The following C6orf58 variants were observed in gnomAD, a reference collection of about 807,000 sequenced individuals.
C6orf58 encodes the protein protein LEG1 homolog.
C6orf58 carries 30 observed loss-of-function variants against 37.0 expected under a neutral mutation model. The observed-to-expected ratio is 0.81, with a 90% CI of 0.61 to 1.10. The LOEUF (loss-of-function observed/expected upper bound fraction) is 1.10, where lower values mean the gene tolerates loss of function less well. C6orf58 is among the 50% of genes least tolerant of loss of function. The pLI, the probability that C6orf58 is intolerant of heterozygous loss-of-function variation, is 0.00. For missense variants in C6orf58, 368 were observed against 387.5 expected (o/e 0.95, Z 0.42); for synonymous variants, 143 against 134.1 (o/e 1.07, Z -0.46).
At chr6:127,589,296 G>A (rs976363824) in intron 4 of C6orf58, among the ~76,000 whole-genome samples, 1 of 152,170 alleles carries the variant, frequency 6.6e-6, no homozygotes, top group African/African-American at 2.4e-5. Flanking sequence ...GATGAGACTT[G>A]AAACAGAATG....
At position 127,581,047 on chromosome 6, in the gene C6orf58, T is replaced by C. The variant is rs73593560; in HGVS notation, c.574-135T>C. On this transcript the variant is annotated intron_variant, in intron 3 of 5. Transcript: ENST00000329722. Reference sequence around the variant, plus strand: ...AAGAGTGTTAGGCATTAAGGCCATATACATACTTTTTCTTAGAAATAAAAT... The same window carrying C: ...AAGAGTGTTAGGCATTAAGGCCATACACATACTTTTTCTTAGAAATAAAAT... 6.1e-3 allele frequency: 2,491 copies of C among 405,898 alleles called. 58 individuals are homozygous for C. The highest frequency in any genetic ancestry group is 0.048 in the African/African-American group (2,311 of 48,488). 25.1% of individuals were successfully genotyped at this position (405,898 alleles called of 1,614,324 possible). A position where few individuals can be genotyped will look rare whatever the true frequency, so the allele number is the denominator to read the frequency against.
chr6:127,586,672 C>T (rs1214785692), intron 4 of C6orf58, among the ~76,000 whole-genome samples: 1 of 151,006 alleles, frequency 6.6e-6, no homozygotes, highest in East Asian at 1.9e-4. Flanking sequence ...TTGAGCTCAC[C>T]CAGTTTCCAG....
chr6:127,579,455 C>T (rs752149165), intron 2 of C6orf58, among the ~76,000 whole-genome samples: 10 of 152,076 alleles, frequency 6.6e-5, no homozygotes, highest in South Asian at 4.1e-4. Context: ...AAAAGACTCG[C>T]GAATAGTAGT....
At chr6:127,580,789 A>G (rs1775041647) in intron 3 of C6orf58, among the ~76,000 whole-genome samples, 1 of 152,120 alleles carries the variant, frequency 6.6e-6, no homozygotes, top group African/African-American at 2.4e-5. Context: ...AAATCAATGA[A>G]GAAAAGATAT....
Position 127,584,299 on chromosome 6 carries a change from C to G in C6orf58, c.674+3017C>G, listed in dbSNP as rs552261219. On this transcript the variant is annotated intron_variant, in intron 4 of 5. Transcript: ENST00000329722. Reference sequence around the variant, plus strand: ...GTTTTTATTGCCTTACCAGCATTATCAGTTTAACAAACCAAATATTAGTGA... The same window carrying G: ...GTTTTTATTGCCTTACCAGCATTATGAGTTTAACAAACCAAATATTAGTGA... 2.0e-5 allele frequency among the ~76,000 whole-genome samples: 3 copies of G among 152,250 alleles called. No homozygotes were observed. In the South Asian group the frequency reaches 6.2e-4, roughly 32 times the overall value.
At chr6:127,585,232 G>A (rs927394441) in intron 4 of C6orf58, among the ~76,000 whole-genome samples, 4 of 152,060 alleles carry the variant, frequency 2.6e-5, no homozygotes, top group Admixed American at 6.6e-5. Context: ...TTGTAAGGAC[G>A]GATATCCTTT....
intron 4 of C6orf58, among the ~76,000 whole-genome samples, chr6:127,585,806 C>T (rs766147011): frequency 3.3e-5 from 5 of 152,228 alleles, no homozygotes; most frequent in Admixed American, 2.6e-4. Flanking sequence ...CAAGATTTAT[C>T]TTTCACACAC....
Position 127,581,358 on chromosome 6 carries a change from T to G in C6orf58, c.674+76T>G. The G allele has an allele frequency of 5.5e-6, 3 of 544,362 alleles. No individual in the cohort carries two copies. The South Asian group carries it at 1.3e-4, about 24-fold the overall frequency. 33.7% of individuals were successfully genotyped at this position (544,362 alleles called of 1,614,324 possible). ...GGCATTATTTATATATTTTTCTTCT[T>G]CTTCTAGAGTGTTTTTCAATCTTTA... On this transcript the variant is annotated intron_variant, in intron 4 of 5. Transcript: ENST00000329722.
Position 127,590,333 on chromosome 6 carries a change from C to T in C6orf58, c.913+8C>T, listed in dbSNP as rs372856580. Reference sequence around the variant, plus strand: ...ATGTGGATAAATCTATAGGTAAGAACCTTAAAAGGATACTTTTAAAAATCA... The same window carrying T: ...ATGTGGATAAATCTATAGGTAAGAATCTTAAAAGGATACTTTTAAAAATCA... On this transcript the variant is annotated splice_region_variant and intron_variant, in intron 5 of 5. Transcript: ENST00000329722. 1 of 1,506,526 alleles carries T rather than the reference C, an allele frequency of 6.6e-7. No homozygotes were observed. The highest frequency in any genetic ancestry group is 9.1e-7 in the Non-Finnish European group (1 of 1,093,516). 93.3% of individuals were successfully genotyped at this position (1,506,526 alleles called of 1,614,324 possible). A position where few individuals can be genotyped will look rare whatever the true frequency, so the allele number is the denominator to read the frequency against.
At chr6:127,587,398 C>G (rs1254210467) in intron 4 of C6orf58, among the ~76,000 whole-genome samples, 2 of 152,078 alleles carry the variant, frequency 1.3e-5, no homozygotes, top group Non-Finnish European at 2.9e-5. Context: ...ATTAATTCAC[C>G]TCACTGAAAG....
At position 127,577,396 on chromosome 6, in the gene C6orf58, A is replaced by C; in HGVS notation, c.211A>C (p.Thr71Pro). Residue 71 changes from threonine to proline, a missense_variant, in exon 1 of 6, where the codon ACA becomes CCA. Physicochemically the swap from Thr to Pro is conservative, Grantham distance 38. Coordinates refer to ENST00000329722, the MANE Select transcript of C6orf58 (RefSeq NM_001010905.3). Reference sequence around the variant, plus strand: ...GATGTATAAAATCATATTGAATCAGACAGCCAGGTATTTTGCAAAATTTGC... The same window carrying C: ...GATGTATAAAATCATATTGAATCAGCCAGCCAGGTATTTTGCAAAATTTGC... ...MGMYKIILNQTARYFAKFAPD... is the reference protein window; with the variant it reads ...MGMYKIILNQPARYFAKFAPD... 6.2e-7 allele frequency: 1 copy of C among 1,613,618 alleles called. No individual in the cohort carries two copies. The highest frequency in any genetic ancestry group is 8.5e-7 in the Non-Finnish European group (1 of 1,179,620).
chr6:127,582,622 C>G (rs918329239), intron 4 of C6orf58, among the ~76,000 whole-genome samples: 3 of 152,116 alleles, frequency 2.0e-5, no homozygotes, highest in African/African-American at 7.2e-5. Flanking sequence ...ATGTATGAGA[C>G]GTATTTCTAA....
intron 2 of C6orf58, 104 bp downstream of exon 2, chr6:127,578,876 T>C: frequency 1.2e-6 from 1 of 841,346 alleles, no homozygotes; most frequent in Non-Finnish European, 1.9e-6. Context: ...ATCCTGTTCC[T>C]ATTTTAAAAA....
At chr6:127,587,501 A>T (rs1350662160) in intron 4 of C6orf58, among the ~76,000 whole-genome samples, 2 of 152,196 alleles carry the variant, frequency 1.3e-5, no homozygotes, top group Non-Finnish European at 2.9e-5. Context: ...GGAAGATTTC[A>T]AATACCTGCT....
intron 4 of C6orf58, among the ~76,000 whole-genome samples, chr6:127,588,529 C>T (rs1251073352): frequency 1.3e-5 from 2 of 152,176 alleles, no homozygotes; most frequent in Admixed American, 6.5e-5. Flanking sequence ...CTTGCATATA[C>T]TCAAATAAAA....
rs774604569 is a variant in C6orf58, at chr6:127,590,233, C to T, written c.821C>T (p.Thr274Ile). 1.9e-6 allele frequency: 3 copies of T among 1,613,638 alleles called. No individual in the cohort carries two copies. The highest frequency in any genetic ancestry group is 2.5e-6 in the Non-Finnish European group (3 of 1,179,790). The change falls in exon 5 of 6, where the codon ACT (threonine) becomes ATT (isoleucine). Residue 274 changes from threonine (T) to isoleucine (I), a missense_variant. Thr to Ile is a moderately conservative substitution (Grantham distance 89, BLOSUM62 -1). Transcript: ENST00000329722. ...KGMPPRILLN[T>I]DVAPFISDFT... ...ATGCCACCACGAATTCTTCTTAATA[C>T]TGATGTAGCCCCTTTCATCAGTGAC...
In C6orf58 at chr6:127,580,316, G is replaced by T. The variant is rs1444170267; in HGVS notation, c.440G>T (p.Gly147Val). ...CCCTTTCTTGCTGCGGTTGATTCTGGTGTAATGGGGATATCATCAGACCAA... is the reference window on the plus strand; with the variant it reads ...CCCTTTCTTGCTGCGGTTGATTCTGTTGTAATGGGGATATCATCAGACCAA... ...SLPFLAAVDSGVMGISSDQVR... is the reference protein window; with the variant it reads ...SLPFLAAVDSVVMGISSDQVR... Residue 147 changes from glycine (G) to valine (V), a missense_variant, in exon 3 of 6, where the codon GGT becomes GTT. Transcript: ENST00000329722. 1.9e-6 allele frequency: 3 copies of T among 1,612,624 alleles called. No homozygotes were observed. Among genetic ancestry groups the T allele is most frequent in the Non-Finnish European group, 2.5e-6 (3 of 1,179,102 alleles).
chr6:127,583,050 A>G (rs575321479), intron 4 of C6orf58, among the ~76,000 whole-genome samples: 1 of 152,284 alleles, frequency 6.6e-6, no homozygotes, highest in South Asian at 2.1e-4. Flanking sequence ...CAACTAAAGG[A>G]TTAGGGTTAT....
chr6:127,577,174 A>C lies in C6orf58; in HGVS notation c.-12A>C, dbSNP rs747400916. On this transcript the variant is annotated 5_prime_UTR_variant, in exon 1 of 6. Coordinates refer to ENST00000329722, the MANE Select transcript of C6orf58 (RefSeq NM_001010905.3). ...AAGCCCTGCTACGATCGCAATCCCC[A>C]GCTCTGGCACAATGGCTTTTCTTCC... is the stretch of plus-strand genomic sequence containing the variant. 1 of 1,610,666 alleles carries C rather than the reference A, an allele frequency of 6.2e-7. No individual in the cohort carries two copies. Among genetic ancestry groups the C allele is most frequent in the African/African-American group, 1.3e-5 (1 of 74,722 alleles).
Sources: allele counts gnomAD v4.1 joint callset (sites outside exome capture counted in the v4.1 genomes callset), GRCh38; gene constraint gnomAD v4.1.1; transcripts MANE v1.5; gene names NCBI Gene and HGNC (gene_info 2026-07-23, HGNC 2026-07-21).